RBFOX3: variants seen among roughly 807,000 people sequenced by gnomAD.
RBFOX3 encodes RNA binding fox-1 homolog 3.
Under a neutral mutation model 48.7 loss-of-function variants are expected in RBFOX3, and 17 were observed. The ratio of observed to expected loss-of-function variants is 0.35; its 90% confidence interval spans 0.24 to 0.52. RBFOX3 has a LOEUF of 0.52. Ranked by LOEUF, RBFOX3 falls within the 20% of genes least tolerant of loss-of-function variation. RBFOX3 has a pLI of 0.94. For synonymous variants in RBFOX3, 212 were observed against 209.5 expected (o/e 1.01, Z -0.10); for missense variants, 382 against 497.5 (o/e 0.77, Z 2.21).
At chr17:79,520,108 C>T (rs1230538414) in intron 1 of RBFOX3, among the ~76,000 whole-genome samples, 7 of 152,198 alleles carry the variant, frequency 4.6e-5, no homozygotes, top group African/African-American at 1.7e-4. Flanking sequence ...GTGAATTGCC[C>T]AAGTCATGCA....
intron 1 of RBFOX3, among the ~76,000 whole-genome samples, chr17:79,545,472 C>T (rs1279932193): frequency 1.3e-5 from 2 of 152,224 alleles, no homozygotes; most frequent in East Asian, 3.9e-4. Context: ...CCTGCCTGGC[C>T]TCTCCCCACT....
chr17:79,244,753 CCTTCCTT>C (rs1321215711), intron 3 of RBFOX3, among the ~76,000 whole-genome samples: 2 of 33,882 alleles, frequency 5.9e-5, no homozygotes, highest in Non-Finnish European at 1.9e-4. Context: ...TTCCTTCCTT[CCTTCCTT>C]TTCTTCCTTC....
At chr17:79,402,350 CT>C (rs1319885012) in intron 2 of RBFOX3, among the ~76,000 whole-genome samples, 1 of 152,246 alleles carries the variant, frequency 6.6e-6, no homozygotes, top group Admixed American at 6.5e-5. Flanking sequence ...GAGACGCTTT[CT>C]GACAGCAGGT....
chr17:79,109,007 G>A (rs1375887618), intron 5 of RBFOX3, among the ~76,000 whole-genome samples: 5 of 152,258 alleles, frequency 3.3e-5, no homozygotes, highest in Admixed American at 6.5e-5. Flanking sequence ...CCGCTGTCCC[G>A]ATGCTCACCT....
intron 4 of RBFOX3, among the ~76,000 whole-genome samples, chr17:79,143,564 C>A (rs548613023): frequency 3.3e-5 from 5 of 152,298 alleles, no homozygotes; most frequent in African/African-American, 1.2e-4. Context: ...TGAGGCTGGG[C>A]CTTGGCCACC....
At chr17:79,168,549 G>A (rs779673901) in intron 4 of RBFOX3, among the ~76,000 whole-genome samples, 1 of 152,236 alleles carries the variant, frequency 6.6e-6, no homozygotes, top group African/African-American at 2.4e-5. Flanking sequence ...CAGCCAGGAG[G>A]TGTCCTCACC....
At chr17:79,348,742 G>A (rs751992360) in intron 2 of RBFOX3, among the ~76,000 whole-genome samples, 19 of 151,554 alleles carry the variant, frequency 1.3e-4, no homozygotes, top group Non-Finnish European at 2.5e-4. Context: ...CACCATGCCC[G>A]GCTAATTTTG....
At chr17:79,503,484 T>C (rs956144531) in intron 1 of RBFOX3, among the ~76,000 whole-genome samples, 3 of 152,372 alleles carry the variant, frequency 2.0e-5, no homozygotes, top group Admixed American at 1.3e-4. Flanking sequence ...TTTTGACATG[T>C]AATCAATACA....
chr17:79,253,821 C>T (rs990534077), intron 3 of RBFOX3, among the ~76,000 whole-genome samples: 3 of 152,222 alleles, frequency 2.0e-5, no homozygotes, highest in Non-Finnish European at 4.4e-5. Context: ...AGGGTTTTCA[C>T]ATGCCATCAT....
the RBFOX3 span, among the ~76,000 whole-genome samples, chr17:79,665,446 A>AGAGGAGCGGAGC: frequency 6.6e-6 from 1 of 152,106 alleles, no homozygotes; most frequent in Non-Finnish European, 1.5e-5. Context: ...AGGGGCCTGG[A>AGAGGAGCGGAGC]AACCGACGCC....
At chr17:79,627,623 T>G in the RBFOX3 span, among the ~76,000 whole-genome samples, 1 of 152,318 alleles carries the variant, frequency 6.6e-6, no homozygotes, top group East Asian at 1.9e-4. Flanking sequence ...CCAAGCAGCC[T>G]GGTGCCTTCT....
At chr17:79,369,321 C>T (rs1378355029) in intron 2 of RBFOX3, among the ~76,000 whole-genome samples, 2 of 151,820 alleles carry the variant, frequency 1.3e-5, no homozygotes, top group South Asian at 2.1e-4. Flanking sequence ...ACAGTCTGCC[C>T]CCACTCCCCG....
At chr17:79,155,279 T>C (rs2045528106) in intron 4 of RBFOX3, among the ~76,000 whole-genome samples, 1 of 152,126 alleles carries the variant, frequency 6.6e-6, no homozygotes, top group Non-Finnish European at 1.5e-5. Context: ...CCCCCAAGCC[T>C]TGACAGTACC....
chr17:79,574,400 T>C (rs1472777757), intron 1 of RBFOX3, among the ~76,000 whole-genome samples: 1 of 152,130 alleles, frequency 6.6e-6, no homozygotes, highest in Non-Finnish European at 1.5e-5. Context: ...AAAACCAAGA[T>C]GGCGATCAAA....
chr17:79,097,500 G>A, intron 10 of RBFOX3, 76 bp from the exon 11 acceptor site: 1 of 1,342,146 alleles, frequency 7.5e-7, no homozygotes, highest in Non-Finnish European at 9.6e-7. Context: ...CGTACACCTA[G>A]CCCCCCCGCG....
At chr17:79,307,278 A>G (rs1468570441) in intron 3 of RBFOX3, among the ~76,000 whole-genome samples, 1 of 152,234 alleles carries the variant, frequency 6.6e-6, no homozygotes, top group African/African-American at 2.4e-5. Flanking sequence ...TTGCGGTCAC[A>G]CGGTCCTGTT....
intron 4 of RBFOX3, among the ~76,000 whole-genome samples, chr17:79,130,363 G>A (rs1169243225): frequency 6.6e-6 from 1 of 152,166 alleles, no homozygotes; most frequent in East Asian, 1.9e-4. Flanking sequence ...CCACACTGTG[G>A]GTGAGCAGGG....
intron 3 of RBFOX3, among the ~76,000 whole-genome samples, chr17:79,303,853 G>GCC (rs2075699883): frequency 1.2e-5 from 1 of 81,782 alleles, no homozygotes; most frequent in African/African-American, 4.5e-5. Flanking sequence ...ATGTCTGCCT[G>GCC]TGTGTGTGTG....
intron 2 of RBFOX3, among the ~76,000 whole-genome samples, chr17:79,440,107 G>A (rs1283355438): frequency 6.6e-6 from 1 of 152,128 alleles, no homozygotes; most frequent in Non-Finnish European, 1.5e-5. Context: ...GGCCACCAGC[G>A]ATAACCAGGC....
Sources: gnomAD v4.1 joint callset for allele counts (sites outside exome capture counted in the v4.1 genomes callset) on GRCh38, gnomAD v4.1.1 for gene constraint, MANE v1.5 for transcripts, NCBI Gene and HGNC (gene_info 2026-07-23, HGNC 2026-07-21) for gene names.